The following MREG variants were observed in gnomAD, a reference collection of about 807,000 sequenced individuals.
MREG encodes the protein melanoregulin.
A neutral mutation model predicts 28.5 loss-of-function variants in MREG; 31 were observed. The ratio of observed to expected loss-of-function variants is 1.09; its 90% CI spans 0.82 to 1.47. MREG has a LOEUF of 1.47. Among genes scored for constraint, MREG ranks in the 40% most tolerant of loss-of-function variants. The probability of loss-of-function intolerance (pLI) is 0.00; values close to 1 mark genes in which losing one functional copy is unlikely to be tolerated. For synonymous variants in MREG, 106 were observed against 95.2 expected, an observed-to-expected ratio of 1.11 and a Z score of -0.66; for missense variants, 256 against 257.4, an observed-to-expected ratio of 0.99 and a Z score of 0.04.
chr2:216,021,530 A>AC (rs1304907526), intron 1 of MREG, among the ~76,000 whole-genome samples: 15 of 152,112 alleles, frequency 9.9e-5, no homozygotes, highest in Admixed American at 6.5e-4. Flanking sequence ...CAACTGTACA[A>AC]CCCCAAATGT....
intron 2 of MREG, among the ~76,000 whole-genome samples, chr2:215,972,041 G>C (rs1693113444): frequency 6.6e-6 from 1 of 152,118 alleles, no homozygotes; most frequent in Non-Finnish European, 1.5e-5. Context: ...ACCCCCTCTA[G>C]ACCATTCAGT....
chr2:215,946,984 G>T (rs1344695), intron 3 of MREG, 39 bp downstream of exon 3: 638,052 of 1,154,136 alleles, frequency 0.55, 179,328 homozygotes, highest in Non-Finnish European at 0.59. Context: ...TGATCACAAC[G>T]AGTTATTTTT....
At chr2:215,955,926 C>CG (rs1488397963) in intron 2 of MREG, among the ~76,000 whole-genome samples, 1 of 152,156 alleles carries the variant, frequency 6.6e-6, no homozygotes, top group Non-Finnish European at 1.5e-5. Context: ...TGATGTCAGT[C>CG]TGGAGAAAGG....
At chr2:215,976,729 AT>A (rs1209132637) in intron 2 of MREG, among the ~76,000 whole-genome samples, 1 of 152,218 alleles carries the variant, frequency 6.6e-6, no homozygotes, top group African/African-American at 2.4e-5. Flanking sequence ...AATATTCAAC[AT>A]TCTTAAAGAA....
At chr2:215,972,991 T>C (rs1428479766) in intron 2 of MREG, among the ~76,000 whole-genome samples, 2 of 151,748 alleles carry the variant, frequency 1.3e-5, no homozygotes, top group South Asian at 2.1e-4. Context: ...TGTAACTGGG[T>C]GAAAAGAAGG....
intron 1 of MREG, among the ~76,000 whole-genome samples, chr2:216,010,733 T>G (rs190466554): frequency 6.6e-6 from 1 of 152,008 alleles, no homozygotes; most frequent in Admixed American, 6.5e-5. Flanking sequence ...GATTACATAC[T>G]CCAAGTATTT....
At chr2:216,007,272 C>T (rs1694179311) in intron 1 of MREG, among the ~76,000 whole-genome samples, 1 of 152,108 alleles carries the variant, frequency 6.6e-6, no homozygotes, top group African/African-American at 2.4e-5. Context: ...CATGAACATG[C>T]CTAGAGTGAC....
intron 1 of MREG, among the ~76,000 whole-genome samples, chr2:216,026,151 A>G (rs997083245): frequency 6.6e-6 from 1 of 152,232 alleles, no homozygotes. Flanking sequence ...TTAAATATCC[A>G]TAGAGAGACA....
chr2:216,004,110 C>T (rs1694090947), intron 1 of MREG, among the ~76,000 whole-genome samples: 2 of 152,150 alleles, frequency 1.3e-5, no homozygotes, highest in Admixed American at 1.3e-4. Flanking sequence ...CACACTTTGA[C>T]CTCAGGGCCC....
chr2:216,033,387 C>T (rs565040187), upstream of MREG, among the ~76,000 whole-genome samples: 7 of 152,066 alleles, frequency 4.6e-5, no homozygotes, highest in South Asian at 2.1e-4. Context: ...TTCACAAGAG[C>T]GAGTAAGTGG....
intron 1 of MREG, 62 bp from the exon 2 acceptor site, chr2:215,996,527 A>G: frequency 1.6e-6 from 2 of 1,221,948 alleles, no homozygotes; most frequent in Admixed American, 2.0e-5. Flanking sequence ...TATATGTCAT[A>G]TGCATGCAAC....
rs1692239492 is a variant in MREG, at chr2:215,943,696, C to G, written c.*1167G>C. 5.8e-6 allele frequency: 2 copies of G among 344,818 alleles called. No individual in the cohort carries two copies. The highest frequency in any genetic ancestry group is 7.6e-5 in the Admixed American group (2 of 26,150). 21.4% of individuals were successfully genotyped at this position (344,818 alleles called of 1,614,324 possible). A position where few individuals can be genotyped will look rare whatever the true frequency, so the allele number is the denominator to read the frequency against. ...CTCTACTAAAAATACAAAAAATTAG[C>G]CAGGTGTGGTGGCACGCGCCTGTAG... On this transcript the variant is annotated 3_prime_UTR_variant, in exon 5 of 5. Transcript: ENST00000263268.
At chr2:215,939,862 C>T (rs537327036), downstream of MREG, among the ~76,000 whole-genome samples, 1 of 152,104 alleles carries the variant, frequency 6.6e-6, no homozygotes, top group Non-Finnish European at 1.5e-5. Flanking sequence ...ATAATTCACA[C>T]TACATGTTTA....
upstream of MREG, among the ~76,000 whole-genome samples, chr2:216,013,950 T>G (rs974746132): frequency 2.0e-5 from 3 of 152,154 alleles, no homozygotes; most frequent in African/African-American, 7.2e-5. Flanking sequence ...TACAATGATT[T>G]GAAAAATTGT....
chr2:215,947,048 T>C lies in MREG; in HGVS notation c.321A>G (p.Arg107=), dbSNP rs774185983. ...CTAAATCTTCTAAGATGCACTTCCA[T>C]CTGTTTCTTACTTCCCTTCGAACCT... ...LRQVRREVRN[R]WKCILEDLGF... Residue 107 remains arginine, a synonymous_variant, in exon 3 of 5, where the codon AGA becomes AGG. Coordinates refer to ENST00000263268, the MANE Select transcript of MREG (RefSeq NM_018000.3). The C allele has an allele frequency of 1.9e-6, 3 of 1,609,790 alleles. No homozygotes were observed. Among genetic ancestry groups the C allele is most frequent in the East Asian group, 2.2e-5 (1 of 44,850 alleles).
downstream of MREG, chr2:215,939,399 C>T (rs756507763): frequency 3.3e-5 from 5 of 152,164 alleles, no homozygotes; most frequent in East Asian, 1.9e-4. Flanking sequence ...TTCTTCTAAA[C>T]GTACAATTGT....
intron 2 of MREG, among the ~76,000 whole-genome samples, chr2:215,952,656 T>A (rs2105971739): frequency 6.6e-6 from 1 of 152,130 alleles, no homozygotes; most frequent in South Asian, 2.1e-4. Context: ...AGCAACAACT[T>A]CAAAAGAGAT....
intron 2 of MREG, among the ~76,000 whole-genome samples, chr2:215,957,787 C>G (rs1258149358): frequency 6.6e-5 from 10 of 152,152 alleles, no homozygotes; most frequent in East Asian, 5.8e-4. Context: ...AGCGTGCCCC[C>G]TTCTTCCCCC....
At chr2:215,983,037 CACT>C (rs1326251675) in intron 2 of MREG, among the ~76,000 whole-genome samples, 1 of 152,160 alleles carries the variant, frequency 6.6e-6, no homozygotes, top group Non-Finnish European at 1.5e-5. Context: ...CCCAAATAGT[CACT>C]AGCAAAGTAA....
Sources: gnomAD v4.1 joint callset for allele counts (sites outside exome capture counted in the v4.1 genomes callset) on GRCh38, gnomAD v4.1.1 for gene constraint, MANE v1.5 for transcripts, NCBI Gene and HGNC (gene_info 2026-07-23, HGNC 2026-07-21) for gene names.